Variants in NPAS3 observed in about 807,000 individuals in gnomAD.
NPAS3 encodes the protein neuronal PAS domain-containing protein 3.
In NPAS3, 14 loss-of-function variants were observed where a neutral mutation model predicts 73.1. The observed-to-expected ratio is 0.19, with a 90% CI of 0.13 to 0.30. The LOEUF is 0.30. Among genes scored for constraint, NPAS3 ranks in the 10% least tolerant of loss-of-function variants. The probability of loss-of-function intolerance (pLI) is 1.00; values close to 1 mark genes in which losing one functional copy is unlikely to be tolerated. For synonymous variants in NPAS3, 620 were observed against 541.5 expected, an observed-to-expected ratio of 1.14 and a Z score of -2.01; for missense variants, 1,096 against 1,250.0, an observed-to-expected ratio of 0.88 and a Z score of 1.86.
intron 4 of NPAS3, among the ~76,000 whole-genome samples, chr14:33,529,918 G>A (rs2053967101): frequency 6.6e-6 from 1 of 152,098 alleles, no homozygotes; most frequent in Admixed American, 6.6e-5. Context: ...TATGAAAGTT[G>A]CAACTCAAAG....
At chr14:33,441,068 A>G (rs1454862012) in intron 4 of NPAS3, among the ~76,000 whole-genome samples, 2 of 152,220 alleles carry the variant, frequency 1.3e-5, no homozygotes, top group Non-Finnish European at 1.5e-5. Flanking sequence ...TTGGACTTGC[A>G]TAAGTCCACT....
intron 1 of NPAS3, among the ~76,000 whole-genome samples, chr14:32,941,149 A>G (rs966248751): frequency 1.3e-5 from 2 of 151,776 alleles, no homozygotes; most frequent in African/African-American, 4.8e-5. Flanking sequence ...TAACATGAAG[A>G]TGAATACTTT....
chr14:33,333,014 G>A (rs1255776414), intron 3 of NPAS3, among the ~76,000 whole-genome samples: 1 of 152,188 alleles, frequency 6.6e-6, no homozygotes, highest in Non-Finnish European at 1.5e-5. Context: ...GCAGCAAAAT[G>A]TACAGATTTG....
chr14:33,360,428 G>A (rs1594766970), intron 3 of NPAS3, among the ~76,000 whole-genome samples: 1 of 152,226 alleles, frequency 6.6e-6, no homozygotes, highest in South Asian at 2.1e-4. Context: ...AATTAATTTT[G>A]GGTATGATCT....
chr14:33,730,544 G>A (rs2061373911), intron 6 of NPAS3, among the ~76,000 whole-genome samples: 1 of 152,212 alleles, frequency 6.6e-6, no homozygotes, highest in Non-Finnish European at 1.5e-5. Flanking sequence ...AGAGAAAGCA[G>A]CACATCATGA....
chr14:33,204,231 TATC>T (rs1481441060), intron 2 of NPAS3, among the ~76,000 whole-genome samples: 1 of 152,156 alleles, frequency 6.6e-6, no homozygotes, highest in East Asian at 1.9e-4. Context: ...CTGTGTGAAA[TATC>T]ATGACCCTTC....
At position 33,754,914 on chromosome 14, in the gene NPAS3, TCATAGACGAGAC is replaced by T. The variant is rs570801820; in HGVS notation, c.853-19419_853-19408del. Among the ~76,000 whole-genome samples, 80 of 152,282 alleles carry T rather than the reference TCATAGACGAGAC, an allele frequency of 5.3e-4. 1 individual carries two copies. The highest frequency in any genetic ancestry group is 1.8e-3 in the African/African-American group (75 of 41,554). ...TTTGGGGTAAATGCCATGACGTGTC[TCATAGACGAGAC>T]CATGGACACAGCAGGACAAATCTTT... On this transcript the variant is annotated intron_variant, in intron 7 of 11. Coordinates refer to ENST00000356141, the Ensembl canonical transcript of NPAS3.
intron 3 of NPAS3, among the ~76,000 whole-genome samples, chr14:33,227,150 G>C (rs908340400): frequency 5.3e-5 from 8 of 152,246 alleles, no homozygotes; most frequent in Non-Finnish European, 1.2e-4. Flanking sequence ...TTTGTAAAGT[G>C]GTGCAGTGAT....
chr14:33,058,703 C>T (rs1167707924), intron 2 of NPAS3, among the ~76,000 whole-genome samples: 1 of 152,142 alleles, frequency 6.6e-6, no homozygotes, highest in Non-Finnish European at 1.5e-5. Flanking sequence ...TTTTGTGAGG[C>T]TCCCTTTTTA....
At chr14:33,441,347 T>A (rs2049239653) in intron 4 of NPAS3, among the ~76,000 whole-genome samples, 1 of 152,084 alleles carries the variant, frequency 6.6e-6, no homozygotes, top group East Asian at 1.9e-4. Flanking sequence ...TAGTCAATAA[T>A]CCATGTATAT....
intron 1 of NPAS3, among the ~76,000 whole-genome samples, chr14:32,967,700 A>G (rs921934145): frequency 2.0e-5 from 3 of 151,676 alleles, no homozygotes; most frequent in Non-Finnish European, 2.9e-5. Flanking sequence ...AATACTGGCA[A>G]GGATGTAGAG....
intron 6 of NPAS3, among the ~76,000 whole-genome samples, chr14:33,688,391 T>A (rs1340106293): frequency 6.6e-6 from 1 of 152,038 alleles, no homozygotes; most frequent in East Asian, 1.9e-4. Flanking sequence ...TGTGGGAAAC[T>A]TTTTTTTAAG....
intron 2 of NPAS3, among the ~76,000 whole-genome samples, chr14:33,071,322 A>C (rs1269380985): frequency 6.6e-6 from 1 of 152,238 alleles, no homozygotes; most frequent in African/African-American, 2.4e-5. Flanking sequence ...ACATGGTCAT[A>C]AAAAGGCACA....
At chr14:33,693,121 T>C (rs2060278732) in intron 6 of NPAS3, among the ~76,000 whole-genome samples, 1 of 152,214 alleles carries the variant, frequency 6.6e-6, no homozygotes, top group African/African-American at 2.4e-5. Context: ...ATATCCATCC[T>C]TCAACTGTTC....
At chr14:33,711,805 C>G (rs2060825918) in intron 6 of NPAS3, among the ~76,000 whole-genome samples, 1 of 152,080 alleles carries the variant, frequency 6.6e-6, no homozygotes, top group Non-Finnish European at 1.5e-5. Context: ...GCCTGTGACT[C>G]AGGGCAGTAA....
chr14:33,457,209 A>G (rs1232597806), intron 4 of NPAS3, among the ~76,000 whole-genome samples: 2 of 152,230 alleles, frequency 1.3e-5, no homozygotes, highest in Non-Finnish European at 1.5e-5. Flanking sequence ...TATCCTGGAT[A>G]CAAGTTCAGT....
At chr14:33,688,329 G>T (rs777433769) in intron 6 of NPAS3, among the ~76,000 whole-genome samples, 1 of 152,214 alleles carries the variant, frequency 6.6e-6, no homozygotes, top group Non-Finnish European at 1.5e-5. Context: ...TGAAATTCAT[G>T]TAAGATCAAT....
chr14:32,986,924 T>C (rs1173848710), intron 1 of NPAS3, among the ~76,000 whole-genome samples: 1 of 152,180 alleles, frequency 6.6e-6, no homozygotes, highest in Non-Finnish European at 1.5e-5. Context: ...TGGAGAAGCT[T>C]TTCTGTGGCG....
At chr14:33,327,089 T>C (rs936153627) in intron 3 of NPAS3, among the ~76,000 whole-genome samples, 47 of 152,220 alleles carry the variant, frequency 3.1e-4, no homozygotes, top group African/African-American at 1.1e-3. Flanking sequence ...CATTTAAACA[T>C]TGATAGCATT....
Sources: allele counts gnomAD v4.1 joint callset (sites outside exome capture counted in the v4.1 genomes callset), GRCh38; gene constraint gnomAD v4.1.1; transcripts MANE v1.5; gene names NCBI Gene and HGNC (gene_info 2026-07-23, HGNC 2026-07-21).